NCL: variants seen among roughly 807,000 people sequenced by gnomAD.
NCL encodes the protein nucleolin multifunctional protein.
A neutral mutation model predicts 77.7 loss-of-function variants in NCL; 4 were observed. The ratio of observed to expected loss-of-function variants is 0.05; its 90% confidence interval spans 0.03 to 0.12. The LOEUF (loss-of-function observed/expected upper bound fraction) is 0.12, where lower values mean the gene tolerates loss of function less well. NCL is among the 10% of genes least tolerant of loss of function. The pLI is 1.00. For missense variants in NCL, 763 were observed against 860.9 expected, an observed-to-expected ratio of 0.89 and a Z score of 1.42; for synonymous variants, 344 against 297.8, an observed-to-expected ratio of 1.16 and a Z score of -1.60.
chr2:231,460,587 T>A, intron 4 of NCL, 23 bp from the exon 5 acceptor site: 1 of 1,614,188 alleles, frequency 6.2e-7, no homozygotes, highest in Non-Finnish European at 8.5e-7. Flanking sequence ...TCAAACAATG[T>A]ATCACACATC....
At chr2:231,455,723 T>G in intron 12 of NCL, 99 bp from the exon 13 acceptor site, 1 of 1,398,612 alleles carries the variant, frequency 7.1e-7, no homozygotes, top group South Asian at 1.2e-5. Flanking sequence ...GAAAGTAGCC[T>G]TGTTTATTTG....
chr2:231,456,563 G>A (rs747229633), intron 11 of NCL, 68 bp downstream of exon 11: 2 of 1,602,822 alleles, frequency 1.2e-6, no homozygotes, highest in Non-Finnish European at 1.7e-6. Context: ...CACAGAATTT[G>A]TGCAAAAAAT....
chr2:231,464,430 G>A lies in NCL; in HGVS notation c.-77C>T, dbSNP rs769777637. ...GCCAAGCGACGGCGATGGCGGCCGC[G>A]GGTGCTGAAGATCCCGGAGCACGTA... On this transcript the variant is annotated 5_prime_UTR_variant, in exon 1 of 14. Transcript: ENST00000322723. 19 of 1,547,664 alleles carry A rather than the reference G, an allele frequency of 1.2e-5. No homozygotes were observed. The highest frequency in any genetic ancestry group is 1.6e-5 in the Non-Finnish European group (18 of 1,139,862).
chr2:231,456,559 A>G, intron 11 of NCL, 72 bp downstream of exon 11: 1 of 1,602,568 alleles, frequency 6.2e-7, no homozygotes, highest in Non-Finnish European at 8.5e-7. Flanking sequence ...GAAACACAGA[A>G]TTTGTGCAAA....
chr2:231,464,188 G>A (rs1321560154), intron 1 of NCL, 148 bp downstream of exon 1: 14 of 1,449,178 alleles, frequency 9.7e-6, no homozygotes, highest in South Asian at 1.3e-5. Context: ...GAAGCCGCGA[G>A]ACCTCCCCAC....
chr2:231,458,150 C>G (rs1430646890), intron 8 of NCL, 116 bp downstream of exon 8: 17 of 1,370,420 alleles, frequency 1.2e-5, no homozygotes, highest in Non-Finnish European at 1.6e-5. Flanking sequence ...CACAAACTTA[C>G]AGGTTAAACT....
rs1252846238 is a variant in NCL at position 231,461,613 on chromosome 2, A to G, written c.540T>C (p.Ala180=). Residue 180 remains alanine, a synonymous_variant, in exon 3 of 14, where the codon GCT becomes GCC. Coordinates refer to ENST00000322723, the MANE Select transcript of NCL (RefSeq NM_005381.3). The part of the protein sequence containing the change: ...IEPAAMKAAA[A]APASEDEDDE... Reference sequence around the variant, plus strand: ...CGTCCTCATCCTCTGAGGCAGGGGCAGCAGCTGCTGCTTTCATCGCTGCTG... The same window carrying G: ...CGTCCTCATCCTCTGAGGCAGGGGCGGCAGCTGCTGCTTTCATCGCTGCTG... The G allele has an allele frequency of 3.1e-6, 5 of 1,607,200 alleles. No homozygotes were observed. The highest frequency in any genetic ancestry group is 1.7e-5 in the Admixed American group (1 of 60,010).
intron 5 of NCL, 41 bp from the exon 6 acceptor site, chr2:231,460,334 TAA>T (rs778361068): frequency 1.1e-5 from 18 of 1,613,936 alleles, no homozygotes; most frequent in African/African-American, 4.0e-5. Flanking sequence ...TGTAGTGTGG[TAA>T]AAAGTTAGTT....
intron 2 of NCL, chr2:231,462,664 T>C: frequency 2.2e-6 from 1 of 453,294 alleles, no homozygotes; most frequent in South Asian, 1.6e-5. Flanking sequence ...CACAATTCAG[T>C]GCTCAGCTGT....
chr2:231,463,872 C>T (rs935758265), intron 1 of NCL: 2 of 170,670 alleles, frequency 1.2e-5, no homozygotes, highest in Admixed American at 6.0e-5. Context: ...CTTGCCAGGC[C>T]GGGGCGGAGA....
intron 1 of NCL, 24 bp downstream of exon 1, chr2:231,464,312 G>A (rs373414430): frequency 1.3e-6 from 2 of 1,583,574 alleles, no homozygotes; most frequent in Non-Finnish European, 1.7e-6. Flanking sequence ...CTACACGTCT[G>A]CGCTCGCGCT....
chr2:231,460,473 G>C lies in NCL; in HGVS notation c.898+5C>G. ...TCCCCCATATCCCCTAATTCTGCAAGTTACCTTCCACTTTCTGTTTCTTGG... is the reference window on the plus strand; with the variant it reads ...TCCCCCATATCCCCTAATTCTGCAACTTACCTTCCACTTTCTGTTTCTTGG... On this transcript the variant is annotated splice_donor_5th_base_variant and intron_variant, in intron 5 of 13. Transcript: ENST00000322723. 1 of 1,613,558 alleles carries C rather than the reference G, an allele frequency of 6.2e-7. No individual in the cohort carries two copies.
At chr2:231,459,690 T>G (rs1213593534) in intron 6 of NCL, among the ~76,000 whole-genome samples, 2 of 152,044 alleles carry the variant, frequency 1.3e-5, no homozygotes, top group African/African-American at 4.8e-5. Flanking sequence ...GTGGATCACT[T>G]GAGGTCAGGA....
chr2:231,459,975 T>C (rs182529340), intron 6 of NCL, among the ~76,000 whole-genome samples, 177 bp downstream of exon 6: 2 of 152,324 alleles, frequency 1.3e-5, no homozygotes, highest in East Asian at 1.9e-4. Flanking sequence ...CGACTGATTA[T>C]GGAAATTGCA....
intron 2 of NCL, chr2:231,462,996 T>G: frequency 3.7e-6 from 2 of 538,438 alleles, no homozygotes; most frequent in Non-Finnish European, 6.6e-6. Context: ...TAAAAGAAAT[T>G]CCCAGATCTC....
chr2:231,458,317 A>T lies in NCL; in HGVS notation c.1238T>A (p.Phe413Tyr). ...KVTQDELKEV[F>Y]EDAAEIRLVS... is the part of the protein sequence containing the mutation. The stretch of plus-strand genomic sequence containing the variant: ...TAATCTGATCTCCGCAGCATCTTCA[A>T]ACACTTCTTTCAATTCATCCTGAGT... The change falls in exon 8 of 14, where the codon TTT (phenylalanine) becomes TAT (tyrosine). Residue 413 changes from phenylalanine to tyrosine, a missense_variant. Physicochemically the swap from Phe to Tyr is conservative, Grantham distance 22 (BLOSUM62 3). Transcript: ENST00000322723. 6.2e-7 allele frequency: 1 copy of T among 1,614,080 alleles called. No homozygotes were observed. The highest frequency in any genetic ancestry group is 8.5e-7 in the Non-Finnish European group (1 of 1,179,988).
rs2125637497 is a variant in NCL, at chr2:231,461,915, T to C, written c.238A>G (p.Lys80Glu). The C allele has an allele frequency of 6.2e-7, 1 of 1,614,228 alleles. No individual in the cohort carries two copies. The highest frequency in any genetic ancestry group is 1.3e-5 in the African/African-American group (1 of 75,060). The change falls in exon 3 of 14, where the codon AAA becomes GAA. Residue 80 changes from lysine to glutamate, a missense_variant. Coordinates refer to ENST00000322723, the MANE Select transcript of NCL (RefSeq NM_005381.3). ...TTTTTGCCTGGAGTGACAGCTGCTT[T>C]CTTGGCTGGTGTGGCAACTGCAACC... ...KKVAVATPAKKAAVTPGKKAA... is the reference protein window; with the variant it reads ...KKVAVATPAKEAAVTPGKKAA...
In NCL at chr2:231,456,021, C is replaced by A; in HGVS notation, c.1821G>T (p.Gly607=). 1 of 1,614,190 alleles carries A rather than the reference C, an allele frequency of 6.2e-7. No homozygotes were observed. Among genetic ancestry groups the A allele is most frequent in the Non-Finnish European group, 8.5e-7 (1 of 1,180,032 alleles). ...RARIVTDRET[G]SSKGFGFVDF... is the part of the protein sequence containing the mutation. ...CTTCCTTCCCTTACCCTTTGGAGGA[C>A]CCAGTTTCCCGGTCAGTAACTATCC... The change falls in exon 12 of 14, where the codon GGG becomes GGT. Residue 607 remains glycine (G), a synonymous_variant. Coordinates refer to ENST00000322723, the MANE Select transcript of NCL (RefSeq NM_005381.3).
At chr2:231,462,771 T>C (rs776899737) in intron 2 of NCL, among the ~76,000 whole-genome samples, 7 of 152,132 alleles carry the variant, frequency 4.6e-5, no homozygotes, top group African/African-American at 7.2e-5. Flanking sequence ...GAGATAACTA[T>C]AAAACACAGT....
Sources: gnomAD v4.1 joint callset for allele counts (sites outside exome capture counted in the v4.1 genomes callset) on GRCh38, gnomAD v4.1.1 for gene constraint, MANE v1.5 for transcripts, NCBI Gene and HGNC (gene_info 2026-07-23, HGNC 2026-07-21) for gene names.